Variants in BMP2K observed in about 807,000 individuals in gnomAD.
BMP2K encodes BMP2 inducible kinase.
In BMP2K, 74 loss-of-function variants were observed where a neutral mutation model predicts 116.0. The ratio of observed to expected loss-of-function variants is 0.64; its 90% CI spans 0.53 to 0.77. BMP2K has a LOEUF of 0.77. BMP2K is among the 30% of genes least tolerant of loss of function. The pLI, the probability that BMP2K is intolerant of heterozygous loss-of-function variation, is 0.00. For missense variants in BMP2K, 1,365 were observed against 1,403.6 expected (o/e 0.97, Z 0.44); for synonymous variants, 486 against 502.5 (o/e 0.97, Z 0.44).
At chr4:78,872,048 A>G (rs1233636464) in intron 12 of BMP2K, 100 bp downstream of exon 12, 6 of 885,502 alleles carry the variant, frequency 6.8e-6, no homozygotes, top group Non-Finnish European at 6.8e-6. Flanking sequence ...TTCAAAATCA[A>G]GTAAGTTAAT....
At chr4:78,816,717 G>T (rs1397244275) in intron 1 of BMP2K, among the ~76,000 whole-genome samples, 1 of 152,142 alleles carries the variant, frequency 6.6e-6, no homozygotes, top group Admixed American at 6.6e-5. Context: ...TCATGTCAAA[G>T]AAATTAGTGT....
chr4:78,859,589 A>G lies in BMP2K; in HGVS notation c.889A>G (p.Met297Val), dbSNP rs1379262776. ...ATTTTGATCTATTCTTGCAGGGTTCATGCTTGAACCAGATCCGGAACATAG... is the reference window on the plus strand; with the variant it reads ...ATTTTGATCTATTCTTGCAGGGTTCGTGCTTGAACCAGATCCGGAACATAG... ...SRNIHCLIRF[M>V]LEPDPEHRPD... Residue 297 changes from methionine (M) to valine (V), a missense_variant, in exon 8 of 16, where the codon ATG (methionine) becomes GTG (valine). This residue lies in a region of BMP2K where 762 missense variants were observed against 756.7 expected (regional missense o/e 1.01). Coordinates refer to ENST00000502613, the MANE Select transcript of BMP2K (RefSeq NM_198892.2). 3.1e-6 allele frequency: 5 copies of G among 1,606,274 alleles called. No homozygotes were observed. The highest frequency in any genetic ancestry group is 2.2e-5 in the East Asian group (1 of 44,756).
intron 14 of BMP2K, among the ~76,000 whole-genome samples, chr4:78,886,087 C>G (rs182466052): frequency 2.0e-5 from 3 of 152,238 alleles, no homozygotes; most frequent in Non-Finnish European, 4.4e-5. Context: ...GTTGCTCAGG[C>G]TGGTTTCAAG....
intron 4 of BMP2K, among the ~76,000 whole-genome samples, chr4:78,844,392 A>AT (rs200991452): frequency 0.019 from 2,886 of 151,802 alleles, 85 homozygotes; most frequent in African/African-American, 0.063. Flanking sequence ...ATTAAGTCAA[A>AT]TTTGTATTTT....
chr4:78,833,624 T>A lies in BMP2K; in HGVS notation c.340T>A (p.Cys114Ser). The A allele has an allele frequency of 6.2e-7, 1 of 1,605,752 alleles. No homozygotes were observed. The highest frequency in any genetic ancestry group is 1.1e-5 in the South Asian group (1 of 88,700). ...CAAAAATATTGTGGGCTATTTGGACTGTGCTGTTAATTCAATTAGTGATAA... is the reference window on the plus strand; with the variant it reads ...CAAAAATATTGTGGGCTATTTGGACAGTGCTGTTAATTCAATTAGTGATAA... ...GHKNIVGYLD[C>S]AVNSISDNVW... The change falls in exon 3 of 16, where the codon TGT (cysteine) becomes AGT (serine). Residue 114 changes from cysteine to serine, a missense_variant. Cys to Ser is a moderately radical substitution (Grantham distance 112). Coordinates refer to ENST00000502613, the MANE Select transcript of BMP2K (RefSeq NM_198892.2).
At chr4:78,906,594 A>G (rs1383035623) in intron 15 of BMP2K, among the ~76,000 whole-genome samples, 1 of 152,120 alleles carries the variant, frequency 6.6e-6, no homozygotes, top group African/African-American at 2.4e-5. Flanking sequence ...CTGTGTGGAT[A>G]TACATTTGTT....
intron 7 of BMP2K, among the ~76,000 whole-genome samples, chr4:78,854,078 A>G (rs1731384225): frequency 6.6e-6 from 1 of 151,656 alleles, no homozygotes; most frequent in Non-Finnish European, 1.5e-5. Flanking sequence ...ATATTCCAGA[A>G]TATACTGTTA....
chr4:78,788,754 G>T (rs77989448), intron 1 of BMP2K, among the ~76,000 whole-genome samples: 28,999 of 151,428 alleles, frequency 0.19, 5,984 homozygotes, highest in African/African-American at 0.52. Context: ...CCATAGGGAT[G>T]GTTGGAAGTG....
chr4:78,901,127 C>T (rs7692450), intron 15 of BMP2K, among the ~76,000 whole-genome samples: 19,476 of 152,060 alleles, frequency 0.13, 2,260 homozygotes, highest in African/African-American at 0.31. Context: ...TACTACAGCC[C>T]GGACCTCTTG....
At chr4:78,870,691 A>T (rs989390331) in intron 10 of BMP2K, 92 bp from the exon 11 acceptor site, 22 of 1,464,672 alleles carry the variant, frequency 1.5e-5, no homozygotes, top group Non-Finnish European at 1.9e-5. Flanking sequence ...TAAATGCCTT[A>T]GTTAAATTAT....
chr4:78,874,949 C>T lies in BMP2K; in HGVS notation c.1793+2151C>T, dbSNP rs1732562523. 2.6e-5 allele frequency among the ~76,000 whole-genome samples: 4 copies of T among 152,132 alleles called. No homozygotes were observed. In the South Asian group the frequency reaches 8.3e-4, roughly 31 times the overall value. ...ATCACAAAAATCATCTTGCATTCCCCAGGTTAGGAAATATTGGGTTGCATA... is the reference window on the plus strand; with the variant it reads ...ATCACAAAAATCATCTTGCATTCCCTAGGTTAGGAAATATTGGGTTGCATA... On this transcript the variant is annotated intron_variant, in intron 13 of 15. Coordinates refer to ENST00000502613, the MANE Select transcript of BMP2K (RefSeq NM_198892.2).
At chr4:78,839,064 A>G (rs1014791785) in intron 3 of BMP2K, among the ~76,000 whole-genome samples, 1 of 152,118 alleles carries the variant, frequency 6.6e-6, no homozygotes, top group East Asian at 1.9e-4. Context: ...ATCTGTTAGT[A>G]TTTGCTTAAT....
chr4:78,819,904 G>T (rs1004007175), intron 1 of BMP2K, among the ~76,000 whole-genome samples: 6 of 151,978 alleles, frequency 3.9e-5, no homozygotes, highest in Non-Finnish European at 5.9e-5. Flanking sequence ...ATTTCTTGTT[G>T]GGCACTTTGA....
At chr4:78,798,908 T>G (rs1232935766) in intron 1 of BMP2K, among the ~76,000 whole-genome samples, 1 of 152,226 alleles carries the variant, frequency 6.6e-6, no homozygotes, top group Non-Finnish European at 1.5e-5. Context: ...TTTATGGCAC[T>G]TACTTTGTCT....
intron 3 of BMP2K, among the ~76,000 whole-genome samples, chr4:78,839,551 T>C (rs1258274707): frequency 1.3e-5 from 2 of 152,170 alleles, no homozygotes; most frequent in Non-Finnish European, 2.9e-5. Flanking sequence ...CTACTACAGA[T>C]AAAATTGAAA....
At chr4:78,814,929 T>G (rs1230048884) in intron 1 of BMP2K, among the ~76,000 whole-genome samples, 1 of 152,178 alleles carries the variant, frequency 6.6e-6, no homozygotes, top group East Asian at 1.9e-4. Flanking sequence ...ATTCTTTCAT[T>G]TGGCTGATTG....
intron 13 of BMP2K, among the ~76,000 whole-genome samples, chr4:78,873,845 G>A (rs1270354469): frequency 6.6e-6 from 1 of 152,084 alleles, no homozygotes; most frequent in Admixed American, 6.6e-5. Flanking sequence ...GGACAATTTT[G>A]TCTAAGGAGA....
intron 15 of BMP2K, among the ~76,000 whole-genome samples, chr4:78,897,973 G>T (rs1055836480): frequency 6.6e-6 from 1 of 152,204 alleles, no homozygotes; most frequent in Non-Finnish European, 1.5e-5. Context: ...AAAGGAGAGA[G>T]TTGCTTTATT....
At chr4:78,896,314 AAGT>A (rs1384550908) in intron 15 of BMP2K, among the ~76,000 whole-genome samples, 2 of 152,220 alleles carry the variant, frequency 1.3e-5, no homozygotes, top group African/African-American at 4.8e-5. Flanking sequence ...TGTATTGAAA[AAGT>A]AGGGATCAGA....
Sources: allele counts gnomAD v4.1 joint callset (sites outside exome capture counted in the v4.1 genomes callset), GRCh38; gene constraint gnomAD v4.1.1; regional missense constraint gnomAD v4.1.1; transcripts MANE v1.5; gene names NCBI Gene and HGNC (gene_info 2026-07-23, HGNC 2026-07-21).